MPHOSPH6: variants seen among roughly 807,000 people sequenced by gnomAD.
MPHOSPH6 encodes M-phase phosphoprotein 6.
MPHOSPH6 carries 25 observed loss-of-function variants against 21.8 expected under a neutral mutation model. The ratio of observed to expected loss-of-function variants is 1.15; its 90% confidence interval spans 0.83 to 1.60. MPHOSPH6 has a LOEUF of 1.60. Ranked by LOEUF, MPHOSPH6 falls within the 40% of genes most tolerant of loss-of-function variation. The probability of loss-of-function intolerance (pLI) is 0.00; values close to 1 mark genes in which losing one functional copy is unlikely to be tolerated. For missense variants in MPHOSPH6, 269 were observed against 181.8 expected, an observed-to-expected ratio of 1.48 and a Z score of -2.76; for synonymous variants, 84 against 56.5, an observed-to-expected ratio of 1.49 and a Z score of -2.18.
intron 2 of MPHOSPH6, among the ~76,000 whole-genome samples, chr16:82,161,161 C>A (rs1223230808): frequency 6.6e-6 from 1 of 152,232 alleles, no homozygotes; most frequent in African/African-American, 2.4e-5. Context: ...GCTCCTGTGT[C>A]ACCTAAAACT....
chr16:82,165,116 TTTTTATTTTTTTTTTTA>T (rs1417467685), intron 1 of MPHOSPH6, among the ~76,000 whole-genome samples: 1,530 of 56,540 alleles, frequency 0.027, 144 homozygotes, highest in African/African-American at 0.12. Context: ...CGATATTTCT[TTTTTATTTTTTTTTTTA>T]TTTTTTTTTT....
chr16:82,151,771 T>C (rs1246759751), intron 2 of MPHOSPH6, among the ~76,000 whole-genome samples: 1 of 152,222 alleles, frequency 6.6e-6, no homozygotes. Context: ...CTACATAATA[T>C]AAAGATCTAA....
In MPHOSPH6 at chr16:82,149,561, G is replaced by A. The variant is rs148652308; in HGVS notation, c.256-158C>T. ...CTGTAATACTTGATACCACAATGGT[G>A]TAAGAGAAGTAAGCTCTGAGTCAAA... is the stretch of plus-strand genomic sequence containing the variant. On this transcript the variant is annotated intron_variant, in intron 3 of 4. Coordinates refer to ENST00000258169, the MANE Select transcript of MPHOSPH6 (RefSeq NM_005792.2). Among the ~76,000 whole-genome samples the A allele has an allele frequency of 2.0e-5, 3 of 152,334 alleles. No individual in the cohort carries two copies. In the East Asian group the frequency reaches 5.8e-4, roughly 29 times the overall value.
At position 82,148,664 on chromosome 16, in the gene MPHOSPH6, G is replaced by C; in HGVS notation, c.*67C>G. 6.4e-7 allele frequency: 1 copy of C among 1,567,060 alleles called. No homozygotes were observed. The highest frequency in any genetic ancestry group is 8.7e-7 in the Non-Finnish European group (1 of 1,152,632). On this transcript the variant is annotated 3_prime_UTR_variant, in exon 5 of 5. Transcript: ENST00000258169. ...ATTAATAACTATAGAGACACCATTGGGATGAGCTCCAGATGCCCTGCTGAC... is the reference window on the plus strand; with the variant it reads ...ATTAATAACTATAGAGACACCATTGCGATGAGCTCCAGATGCCCTGCTGAC...
At chr16:82,162,873 G>T (rs1311179924) in intron 2 of MPHOSPH6, among the ~76,000 whole-genome samples, 1 of 152,176 alleles carries the variant, frequency 6.6e-6, no homozygotes, top group South Asian at 2.1e-4. Flanking sequence ...AAAAATACTG[G>T]AAACAAGATA....
At chr16:82,170,098 G>C (rs763452780) in intron 1 of MPHOSPH6, 27 bp downstream of exon 1, 2 of 1,581,906 alleles carry the variant, frequency 1.3e-6, no homozygotes, top group African/African-American at 1.4e-5. Flanking sequence ...CCTACCGCCC[G>C]GAGTGGCGCT....
intron 3 of MPHOSPH6, among the ~76,000 whole-genome samples, chr16:82,150,129 C>G (rs143978622): frequency 4.6e-5 from 7 of 151,892 alleles, no homozygotes; most frequent in Admixed American, 2.6e-4. Flanking sequence ...TAGTTTAAAA[C>G]CTTTTCCTAG....
At chr16:82,152,583 C>T (rs181231071) in intron 2 of MPHOSPH6, among the ~76,000 whole-genome samples, 8 of 152,228 alleles carry the variant, frequency 5.3e-5, no homozygotes, top group East Asian at 3.9e-4. Flanking sequence ...AATTGGAAGA[C>T]GGGCAGAAAT....
In MPHOSPH6 at chr16:82,164,082, T is replaced by A; in HGVS notation, c.164A>T (p.Glu55Val). ...YLDLPELKEK[E>V]SFIIEEQSFL... ...TCAGTATCAATTTTAATAAACCTAC[T>A]CTTTCTCTTTAAGCTCTGGCAAATC... The change falls in exon 2 of 5, where the codon GAG (glutamate) becomes GTG (valine). Residue 55 changes from glutamate (E) to valine (V), a missense_variant and splice_region_variant. By Grantham distance (121) the Glu-to-Val change is moderately radical. Transcript: ENST00000258169. The A allele has an allele frequency of 6.3e-7, 1 of 1,599,474 alleles. No individual in the cohort carries two copies. The highest frequency in any genetic ancestry group is 1.3e-5 in the African/African-American group (1 of 74,628).
At chr16:82,151,294 A>G (rs770298256) in intron 3 of MPHOSPH6, 130 bp downstream of exon 3, 8 of 1,329,136 alleles carry the variant, frequency 6.0e-6, no homozygotes, top group Admixed American at 2.3e-5. Context: ...CTATGGCGAT[A>G]TTTCAAGACT....
At chr16:82,159,407 A>T (rs1906534399) in intron 2 of MPHOSPH6, among the ~76,000 whole-genome samples, 1 of 152,160 alleles carries the variant, frequency 6.6e-6, no homozygotes, top group African/African-American at 2.4e-5. Flanking sequence ...GGTGTTCTAA[A>T]TAAATTTTTT....
At chr16:82,156,528 T>C (rs2142409391) in intron 2 of MPHOSPH6, among the ~76,000 whole-genome samples, 1 of 152,324 alleles carries the variant, frequency 6.6e-6, no homozygotes, top group African/African-American at 2.4e-5. Flanking sequence ...AAGAAGTTCT[T>C]CAACATTATG....
chr16:82,170,146 G>C lies in MPHOSPH6; in HGVS notation c.30C>G (p.Ser10=), dbSNP rs371483838. 2.6e-5 allele frequency: 42 copies of C among 1,596,346 alleles called. No homozygotes were observed. The highest frequency in any genetic ancestry group is 3.6e-5 in the Non-Finnish European group (42 of 1,171,462). ...GCACCTTCATGCGCAGTAGATTCTT[G>C]GACAACCTTGTCTTTCGCTCGGCCG... MAAERKTRL[S]KNLLRMKFMQ... The change falls in exon 1 of 5, where the codon TCC becomes TCG. Residue 10 remains serine (S), a synonymous_variant. Coordinates refer to ENST00000258169, the MANE Select transcript of MPHOSPH6 (RefSeq NM_005792.2).
At chr16:82,153,924 T>C (rs3794704) in intron 2 of MPHOSPH6, among the ~76,000 whole-genome samples, 31,556 of 152,080 alleles carry the variant, frequency 0.21, 3,887 homozygotes, top group Admixed American at 0.38. Context: ...TGTCAAATCT[T>C]CCTCACCTCT....
At chr16:82,160,123 C>T (rs1052998647) in intron 2 of MPHOSPH6, among the ~76,000 whole-genome samples, 5 of 148,884 alleles carry the variant, frequency 3.4e-5, no homozygotes, top group African/African-American at 1.2e-4. Flanking sequence ...TGCATTGACA[C>T]CGTATCTTTA....
chr16:82,165,430 C>A (rs1906742686), intron 1 of MPHOSPH6, among the ~76,000 whole-genome samples: 1 of 151,898 alleles, frequency 6.6e-6, no homozygotes, highest in Admixed American at 6.6e-5. Context: ...GGCCCAGGTC[C>A]CATATTTCTC....
At chr16:82,149,431 A>G (rs753459538) in intron 3 of MPHOSPH6, 28 bp from the exon 4 acceptor site, 4 of 1,598,360 alleles carry the variant, frequency 2.5e-6, no homozygotes, top group Admixed American at 1.7e-5. Flanking sequence ...GCTGACCTTC[A>G]GGCTAGAAAA....
At chr16:82,154,517 G>A (rs1212154823) in intron 2 of MPHOSPH6, among the ~76,000 whole-genome samples, 4 of 151,918 alleles carry the variant, frequency 2.6e-5, no homozygotes, top group Admixed American at 2.0e-4. Flanking sequence ...AGTAGAAATG[G>A]ACTTTAGAAT....
chr16:82,161,904 C>G (rs1318854825), intron 2 of MPHOSPH6, among the ~76,000 whole-genome samples: 1 of 152,192 alleles, frequency 6.6e-6, no homozygotes, highest in African/African-American at 2.4e-5. Flanking sequence ...ACTGATACGG[C>G]TGACATTAAA....
Sources: gnomAD v4.1 joint callset for allele counts (sites outside exome capture counted in the v4.1 genomes callset) on GRCh38, gnomAD v4.1.1 for gene constraint, MANE v1.5 for transcripts, NCBI Gene and HGNC (gene_info 2026-07-23, HGNC 2026-07-21) for gene names.